The following BCL11A variants were observed in gnomAD, a reference collection of about 807,000 sequenced individuals.
BCL11A encodes the protein BCL11 transcription factor A.
In BCL11A, 2 loss-of-function variants were observed where a neutral mutation model predicts 55.9. That is an observed-to-expected ratio of 0.04 (90% CI 0.01 to 0.11). The LOEUF is 0.11. Among genes scored for constraint, BCL11A ranks in the 10% least tolerant of loss-of-function variants. The probability of loss-of-function intolerance (pLI) is 1.00; values close to 1 mark genes in which losing one functional copy is unlikely to be tolerated. For synonymous variants in BCL11A, 465 were observed against 473.4 expected, an observed-to-expected ratio of 0.98 and a Z score of 0.23; for missense variants, 817 against 1,137.1, an observed-to-expected ratio of 0.72 and a Z score of 4.05.
intron 2 of BCL11A, among the ~76,000 whole-genome samples, chr2:60,510,755 A>AC (rs1679934411): frequency 6.6e-6 from 1 of 152,212 alleles, no homozygotes; most frequent in Non-Finnish European, 1.5e-5. Context: ...AGGCCACTCA[A>AC]TGCCATATCT....
chr2:60,541,057 T>C (rs1229222876), intron 2 of BCL11A, among the ~76,000 whole-genome samples: 1 of 151,760 alleles, frequency 6.6e-6, no homozygotes, highest in African/African-American at 2.4e-5. Flanking sequence ...GAGGGAAACT[T>C]TGTCCCCCTC....
intron 2 of BCL11A, among the ~76,000 whole-genome samples, chr2:60,481,667 C>G: frequency 6.6e-6 from 1 of 152,182 alleles, no homozygotes; most frequent in East Asian, 1.9e-4. Context: ...TGACGCTCCA[C>G]CCCCTACATC....
chr2:60,542,410 G>A (rs1669961991), intron 2 of BCL11A: 1 of 151,942 alleles, frequency 6.6e-6, no homozygotes, highest in Admixed American at 6.6e-5. Context: ...CATAAAATAT[G>A]AGACTAAAAA....
intron 2 of BCL11A, among the ~76,000 whole-genome samples, chr2:60,510,567 C>T (rs532085922): frequency 6.6e-6 from 1 of 152,150 alleles, no homozygotes; most frequent in Non-Finnish European, 1.5e-5. Flanking sequence ...CTATATAATT[C>T]ACATATTTAT....
At position 60,467,159 on chromosome 2, in the gene BCL11A, G is replaced by T. The variant is rs866344860; in HGVS notation, c.487+1573C>A. ...GGTGTTGGTGGTGATGGTGGTGGTG[G>T]TGGTGGTGATGGTGGTGGTGGTGGT... is the stretch of plus-strand genomic sequence containing the variant. On this transcript the variant is annotated intron_variant, in intron 3 of 3. Coordinates refer to ENST00000642384, the MANE Select transcript of BCL11A (RefSeq NM_022893.4). Among the ~76,000 whole-genome samples, 244 of 128,714 alleles carry T rather than the reference G, an allele frequency of 1.9e-3. 1 individual carries two copies. The highest frequency in any genetic ancestry group is 4.0e-3 in the Middle Eastern group (1 of 252). The allele number at this position is 128,714 out of a possible 152,430, so 84.4% of individuals were successfully genotyped here.
intron 1 of BCL11A, among the ~76,000 whole-genome samples, chr2:60,550,562 G>A (rs994997688): frequency 1.3e-5 from 2 of 151,988 alleles, no homozygotes; most frequent in Non-Finnish European, 2.9e-5. Flanking sequence ...CAGAGGCGGG[G>A]GGCGGGGGGG....
intron 3 of BCL11A, among the ~76,000 whole-genome samples, chr2:60,467,590 G>A (rs1202178010): frequency 1.6e-5 from 1 of 61,986 alleles, no homozygotes; most frequent in Non-Finnish European, 3.2e-5. Context: ...TGGTGGTGGT[G>A]GTGATGGTGG....
chr2:60,537,838 T>C (rs559012528), intron 2 of BCL11A: 1 of 152,274 alleles, frequency 6.6e-6, no homozygotes, highest in Admixed American at 6.5e-5. Flanking sequence ...GGTTTTCTTT[T>C]TGAAGGCACC....
At chr2:60,465,015 G>C (rs185929718) in intron 3 of BCL11A, among the ~76,000 whole-genome samples, 33 of 152,310 alleles carry the variant, frequency 2.2e-4, no homozygotes, top group Admixed American at 2.6e-4. Context: ...GGGCTGTTAC[G>C]ATTGAGACTA....
At chr2:60,516,722 T>C (rs983594176) in intron 2 of BCL11A, among the ~76,000 whole-genome samples, 2 of 152,212 alleles carry the variant, frequency 1.3e-5, no homozygotes, top group South Asian at 2.1e-4. Flanking sequence ...GCATTCCTAG[T>C]GGACACCAAG....
At chr2:60,480,249 T>C (rs567820188) in intron 2 of BCL11A, among the ~76,000 whole-genome samples, 13 of 152,334 alleles carry the variant, frequency 8.5e-5, no homozygotes, top group African/African-American at 3.1e-4. Flanking sequence ...AACCTGGCTC[T>C]CCACTCCATT....
rs1670179585 is a variant in BCL11A at position 60,546,806 on chromosome 2, T to C, written c.56-506A>G. 6.6e-6 allele frequency among the ~76,000 whole-genome samples: 1 copy of C among 152,200 alleles called. No individual in the cohort carries two copies. The highest frequency in any genetic ancestry group is 2.4e-5 in the African/African-American group (1 of 41,442). The stretch of plus-strand genomic sequence containing the variant: ...AATAAACACACACACCCTTTGTGTG[T>C]GAATGTATATACTCCTAAGTAAACA... On this transcript the variant is annotated intron_variant, in intron 1 of 3. Coordinates refer to ENST00000642384, the MANE Select transcript of BCL11A (RefSeq NM_022893.4). The surrounding 1 kb of genome is among the most constrained non-coding windows in gnomAD (Gnocchi z 4.1).
intron 1 of BCL11A, among the ~76,000 whole-genome samples, chr2:60,548,833 A>T (rs1325671582): frequency 6.6e-6 from 1 of 152,216 alleles, no homozygotes; most frequent in Non-Finnish European, 1.5e-5. Flanking sequence ...TGAAAATACA[A>T]TTCTCATGGT....
intron 2 of BCL11A, among the ~76,000 whole-genome samples, chr2:60,521,097 A>ACT (rs1317629148): frequency 8.0e-5 from 6 of 74,922 alleles, no homozygotes; most frequent in African/African-American, 2.5e-4. Flanking sequence ...ACACACACAC[A>ACT]CACTCACACA....
chr2:60,506,137 T>C (rs1679576622), intron 2 of BCL11A, among the ~76,000 whole-genome samples: 3 of 152,162 alleles, frequency 2.0e-5, no homozygotes, highest in South Asian at 4.1e-4. Flanking sequence ...ACACCCACCA[T>C]AGAAATCACA....
At chr2:60,513,831 G>A (rs931439757) in intron 2 of BCL11A, among the ~76,000 whole-genome samples, 2 of 152,214 alleles carry the variant, frequency 1.3e-5, no homozygotes, top group South Asian at 4.1e-4. Context: ...AGTCTGAAGG[G>A]CAGACTCTCT....
chr2:60,526,615 T>C (rs1350483559), intron 2 of BCL11A: 1 of 152,210 alleles, frequency 6.6e-6, no homozygotes, highest in East Asian at 1.9e-4. Context: ...CCAAAGATAG[T>C]GTAATTTGAT....
chr2:60,459,893 G>A lies in BCL11A; in HGVS notation c.*511C>T. ...CCTCCTCACGTTATAAAATAAAACT[G>A]TACATGATATGTATTACAGAATGTA... On this transcript the variant is annotated 3_prime_UTR_variant, in exon 4 of 4. Transcript: ENST00000642384. 1.9e-6 allele frequency: 2 copies of A among 1,052,244 alleles called. No homozygotes were observed. Among genetic ancestry groups the A allele is most frequent in the Non-Finnish European group, 2.3e-6 (2 of 871,068 alleles). The allele number at this position is 1,052,244 out of a possible 1,614,324, so 65.2% of individuals were successfully genotyped here. A position where few individuals can be genotyped will look rare whatever the true frequency, so the allele number is the denominator to read the frequency against.
chr2:60,513,373 CGG>C (rs2104499861), intron 2 of BCL11A, among the ~76,000 whole-genome samples: 1 of 152,248 alleles, frequency 6.6e-6, no homozygotes, highest in Non-Finnish European at 1.5e-5. Context: ...AGCCATCTGC[CGG>C]GTGCTTCTGG....
Sources: allele counts gnomAD v4.1 joint callset (sites outside exome capture counted in the v4.1 genomes callset), GRCh38; gene constraint gnomAD v4.1.1; non-coding constraint Gnocchi (gnomAD v3.1); transcripts MANE v1.5; gene names NCBI Gene and HGNC (gene_info 2026-07-23, HGNC 2026-07-21).